RABGAP1L: variants seen among roughly 807,000 people sequenced by gnomAD.
RABGAP1L encodes the protein rab GTPase-activating protein 1-like.
Under a neutral mutation model 137.7 loss-of-function variants are expected in RABGAP1L, and 63 were observed. The observed-to-expected ratio is 0.46, with a 90% CI of 0.37 to 0.56. The LOEUF (loss-of-function observed/expected upper bound fraction) is 0.56. Ranked by LOEUF, RABGAP1L falls within the 20% of genes least tolerant of loss-of-function variation. The probability of loss-of-function intolerance (pLI) is 0.00; values close to 1 mark genes in which losing one functional copy is unlikely to be tolerated. For missense variants in RABGAP1L, 1,095 were observed against 1,244.0 expected (o/e 0.88, Z 1.80); for synonymous variants, 431 against 433.7 (o/e 0.99, Z 0.08).
chr1:174,227,859 T>C (rs936540597), intron 3 of RABGAP1L, among the ~76,000 whole-genome samples: 6 of 151,936 alleles, frequency 3.9e-5, no homozygotes, highest in Admixed American at 1.3e-4. Context: ...GTGGTTTTTT[T>C]TTTTTTTGCT....
Position 174,231,319 on chromosome 1 carries a change from C to T in RABGAP1L, c.506C>T (p.Thr169Ile), listed in dbSNP as rs372332127. The T allele has an allele frequency of 2.9e-5, 47 of 1,614,098 alleles. No individual in the cohort carries two copies. The East Asian group carries it at 8.9e-4, about 31-fold the overall frequency. Residue 169 changes from threonine (T) to isoleucine (I), a missense_variant, in exon 4 of 26, where the codon ACC becomes ATC. Thr to Ile is a moderately conservative substitution (Grantham distance 89). Transcript: ENST00000681986. ...KSSSQYPFPV[T>I]LYVPNVPEGS... ...TCCAGTCAATACCCCTTTCCTGTTA[C>T]CCTGTATGTACCAAATGTTCCAGAA... is the stretch of plus-strand genomic sequence containing the variant.
chr1:174,650,723 C>G (rs1162111673), intron 14 of RABGAP1L, among the ~76,000 whole-genome samples: 1 of 149,884 alleles, frequency 6.7e-6, no homozygotes, highest in Non-Finnish European at 1.5e-5. Context: ...ATTCTTCTCT[C>G]TTTTCTTCTT....
At chr1:174,831,636 A>G (rs1692126014) in intron 19 of RABGAP1L, among the ~76,000 whole-genome samples, 1 of 148,512 alleles carries the variant, frequency 6.7e-6, no homozygotes, top group Non-Finnish European at 1.5e-5. Context: ...CCCAACAGAT[A>G]TAACCTTAGA....
At chr1:174,575,681 A>G (rs1668319010) in intron 13 of RABGAP1L, among the ~76,000 whole-genome samples, 1 of 152,226 alleles carries the variant, frequency 6.6e-6, no homozygotes, top group Non-Finnish European at 1.5e-5. Flanking sequence ...TTATTTGAGC[A>G]CCAAAGTAAT....
intron 7 of RABGAP1L, among the ~76,000 whole-genome samples, chr1:174,265,083 T>G (rs1673939203): frequency 6.6e-6 from 1 of 152,222 alleles, no homozygotes; most frequent in Non-Finnish European, 1.5e-5. Flanking sequence ...GGACTTTTGT[T>G]AATCAGCTGT....
intron 14 of RABGAP1L, among the ~76,000 whole-genome samples, chr1:174,669,450 G>A (rs1677027245): frequency 6.6e-6 from 1 of 152,118 alleles, no homozygotes; most frequent in African/African-American, 2.4e-5. Context: ...TCACTCTGTT[G>A]GTTGTTTTCT....
intron 11 of RABGAP1L, among the ~76,000 whole-genome samples, chr1:174,326,213 G>A (rs972474069): frequency 6.6e-6 from 1 of 152,168 alleles, no homozygotes; most frequent in African/African-American, 2.4e-5. Flanking sequence ...GACAAAGCAA[G>A]GTCCTAACAA....
intron 20 of RABGAP1L, among the ~76,000 whole-genome samples, chr1:174,959,361 T>C (rs1668885675): frequency 6.6e-6 from 1 of 152,212 alleles, no homozygotes; most frequent in South Asian, 2.1e-4. Context: ...ATAAATTCTG[T>C]GAAGAGTGCT....
rs1685186103 is a variant in RABGAP1L, at chr1:174,761,153, G to A, written c.2211+8799G>A. Among the ~76,000 whole-genome samples the A allele has an allele frequency of 6.6e-6, 1 of 152,230 alleles. No individual in the cohort carries two copies. Among genetic ancestry groups the A allele is most frequent in the African/African-American group, 2.4e-5 (1 of 41,454 alleles). On this transcript the variant is annotated intron_variant, in intron 18 of 25. Transcript: ENST00000681986. The surrounding 1 kb of genome is among the most constrained non-coding windows in gnomAD (Gnocchi z 4.0). The stretch of plus-strand genomic sequence containing the variant: ...CATGAAGGACGGCAAGGAGGAGCAA[G>A]TCACATCCAACATGGATGGCAGCAG...
intron 18 of RABGAP1L, among the ~76,000 whole-genome samples, chr1:174,772,120 G>C (rs933840072): frequency 6.6e-6 from 1 of 152,018 alleles, no homozygotes; most frequent in Non-Finnish European, 1.5e-5. Flanking sequence ...ATTGCTTGAA[G>C]CCGGGAGGCA....
Position 174,449,174 on chromosome 1 carries a change from C to T in RABGAP1L, c.1710+55029C>T, listed in dbSNP as rs148373977. The T allele has an allele frequency of 1.0e-3, 1,632 of 1,601,892 alleles. 16 individuals are homozygous for T. In the Admixed American group the frequency reaches 0.018, roughly 18 times the overall value. ...AGCACAAGAACCCAAACCTAGGAAA[C>T]GGGCTAATTCTTGCTCCATTTGAAG... is the stretch of plus-strand genomic sequence containing the variant. On this transcript the variant is annotated intron_variant, in intron 13 of 25. Coordinates refer to ENST00000681986, the MANE Select transcript of RABGAP1L (RefSeq NM_001366446.1).
At chr1:174,386,276 A>G (rs1234373952) in intron 12 of RABGAP1L, among the ~76,000 whole-genome samples, 1 of 152,200 alleles carries the variant, frequency 6.6e-6, no homozygotes, top group East Asian at 1.9e-4. Flanking sequence ...GTATTATTAT[A>G]TCTTCATTTT....
At chr1:174,308,929 T>C (rs2148787596) in intron 11 of RABGAP1L, among the ~76,000 whole-genome samples, 1 of 152,156 alleles carries the variant, frequency 6.6e-6, no homozygotes, top group East Asian at 1.9e-4. Flanking sequence ...GGAATTTTGT[T>C]AGGGATTGTG....
In RABGAP1L at chr1:174,636,508, A is replaced by G. The variant is rs182571556; in HGVS notation, c.1711-867A>G. Among the ~76,000 whole-genome samples the G allele has an allele frequency of 7.3e-4, 108 of 147,218 alleles. 1 individual carries two copies. The highest frequency in any genetic ancestry group is 2.6e-3 in the African/African-American group (100 of 38,472). ...GTGCCATTGTACTCCAGCCCGGGCAACAGTGTGAGACTCTACTTCAAAAAA... is the reference window on the plus strand; with the variant it reads ...GTGCCATTGTACTCCAGCCCGGGCAGCAGTGTGAGACTCTACTTCAAAAAA... On this transcript the variant is annotated intron_variant, in intron 13 of 25. Coordinates refer to ENST00000681986, the MANE Select transcript of RABGAP1L (RefSeq NM_001366446.1).
At chr1:174,236,571 G>T (rs1376232840) in intron 4 of RABGAP1L, among the ~76,000 whole-genome samples, 1 of 151,732 alleles carries the variant, frequency 6.6e-6, no homozygotes, top group African/African-American at 2.4e-5. Context: ...CCATGTAGTT[G>T]AGTGATTTTG....
At chr1:174,600,077 G>T (rs999614356) in intron 13 of RABGAP1L, among the ~76,000 whole-genome samples, 1 of 152,150 alleles carries the variant, frequency 6.6e-6, no homozygotes, top group Non-Finnish European at 1.5e-5. Flanking sequence ...GGTGGGAGAC[G>T]AAAGGCACTT....
chr1:174,220,402 C>T (rs961694227), intron 2 of RABGAP1L, among the ~76,000 whole-genome samples: 6 of 152,222 alleles, frequency 3.9e-5, no homozygotes, highest in Admixed American at 3.3e-4. Context: ...CGTGGTGGCT[C>T]ATAGCCTGTA....
intron 19 of RABGAP1L, among the ~76,000 whole-genome samples, chr1:174,899,819 A>G (rs979419627): frequency 2.0e-5 from 3 of 152,188 alleles, no homozygotes; most frequent in African/African-American, 4.8e-5. Flanking sequence ...GAAGAAAGCA[A>G]TCATAATCAT....
At chr1:174,385,406 A>G (rs1325576762) in intron 12 of RABGAP1L, among the ~76,000 whole-genome samples, 1 of 152,246 alleles carries the variant, frequency 6.6e-6, no homozygotes, top group Non-Finnish European at 1.5e-5. Flanking sequence ...CATTTAAGAC[A>G]TCCAAGTGAC....
Sources: gnomAD v4.1 joint callset for allele counts (sites outside exome capture counted in the v4.1 genomes callset) on GRCh38, gnomAD v4.1.1 for gene constraint, Gnocchi (gnomAD v3.1) non-coding constraint, MANE v1.5 for transcripts, NCBI Gene and HGNC (gene_info 2026-07-23, HGNC 2026-07-21) for gene names.